The following ADGRL3 variants were observed in gnomAD, a reference collection of about 807,000 sequenced individuals.
The protein encoded by ADGRL3 is adhesion G protein-coupled receptor L3, also known as calcium-independent alpha-latrotoxin receptor 3.
A neutral mutation model predicts 153.5 loss-of-function variants in ADGRL3; 62 were observed. The observed-to-expected ratio is 0.40, with a 90% CI of 0.33 to 0.50. The LOEUF is 0.50. Among genes scored for constraint, ADGRL3 ranks in the 20% least tolerant of loss-of-function variants. The pLI, the probability that ADGRL3 is intolerant of heterozygous loss-of-function variation, is 0.47. For missense variants in ADGRL3, 1,641 were observed against 1,859.4 expected (o/e 0.88, Z 2.16); for synonymous variants, 710 against 672.5 (o/e 1.06, Z -0.86).
At chr4:61,456,616 A>G (rs2097759344) in intron 2 of ADGRL3, among the ~76,000 whole-genome samples, 1 of 151,008 alleles carries the variant, frequency 6.6e-6, no homozygotes, top group Non-Finnish European at 1.5e-5. Context: ...AGGCAGATAA[A>G]AAGTTTGGAG....
chr4:61,447,927 A>T (rs1183976818), intron 2 of ADGRL3, among the ~76,000 whole-genome samples: 1 of 152,214 alleles, frequency 6.6e-6, no homozygotes, highest in Non-Finnish European at 1.5e-5. Flanking sequence ...CCAAACAACA[A>T]CAAAAACAAC....
At chr4:61,934,777 T>G in intron 13 of ADGRL3, 63 bp from the exon 14 acceptor site, 1 of 1,342,632 alleles carries the variant, frequency 7.4e-7, no homozygotes, top group Non-Finnish European at 1.1e-6. Flanking sequence ...CATGTACACC[T>G]GGATTTCTGA....
At chr4:61,837,590 C>G (rs965864048) in intron 9 of ADGRL3, among the ~76,000 whole-genome samples, 13 of 152,202 alleles carry the variant, frequency 8.5e-5, no homozygotes, top group African/African-American at 3.1e-4. Flanking sequence ...GGTATGTTCT[C>G]TTTCTACCCA....
Position 61,765,979 on chromosome 4 carries a change from G to T in ADGRL3, c.1399+32425G>T, listed in dbSNP as rs559280436. Among the ~76,000 whole-genome samples, 7 of 152,242 alleles carry T rather than the reference G, an allele frequency of 4.6e-5. No homozygotes were observed. In the East Asian group the frequency reaches 1.4e-3, roughly 29 times the overall value. On this transcript the variant is annotated intron_variant, in intron 8 of 26. Coordinates refer to ENST00000683033, the MANE Select transcript of ADGRL3 (RefSeq NM_001387552.1). Reference sequence around the variant, plus strand: ...GAGAGGTTCTAAGAGGCGGGCTAGTGGCTTGTACTATAGCATCATCTGCCT... The same window carrying T: ...GAGAGGTTCTAAGAGGCGGGCTAGTTGCTTGTACTATAGCATCATCTGCCT...
intron 17 of ADGRL3, among the ~76,000 whole-genome samples, chr4:61,959,363 G>C (rs868652992): frequency 6.6e-6 from 1 of 152,022 alleles, no homozygotes; most frequent in Non-Finnish European, 1.5e-5. Flanking sequence ...CAAAAAGTCT[G>C]CCTACTCTCT....
At chr4:61,485,932 G>GT (rs2098187096) in intron 2 of ADGRL3, among the ~76,000 whole-genome samples, 2 of 148,918 alleles carry the variant, frequency 1.3e-5, no homozygotes, top group Non-Finnish European at 3.0e-5. Flanking sequence ...TTTTTGTTTT[G>GT]TTTGTTTGTT....
At chr4:61,938,862 C>CAAAAAAA (rs71213019) in intron 15 of ADGRL3, among the ~76,000 whole-genome samples, 1 of 71,504 alleles carries the variant, frequency 1.4e-5, no homozygotes, top group Non-Finnish European at 2.5e-5. Context: ...CCCTCCTCCT[C>CAAAAAAA]AAAAAAAAAA....
chr4:61,630,642 T>G (rs1211478513), intron 5 of ADGRL3, among the ~76,000 whole-genome samples: 1 of 152,258 alleles, frequency 6.6e-6, no homozygotes, highest in East Asian at 1.9e-4. Flanking sequence ...ATAGTCATCA[T>G]GTTTACATGT....
In ADGRL3 at chr4:62,073,327, A is replaced by T. The variant is rs1186796814; in HGVS notation, c.*2419A>T. 3.3e-5 allele frequency: 5 copies of T among 152,086 alleles called. No individual in the cohort carries two copies. Among genetic ancestry groups the T allele is most frequent in the Non-Finnish European group, 1.5e-5 (1 of 67,980 alleles). 9.4% of individuals were successfully genotyped at this position (152,086 alleles called of 1,614,324 possible). A position where few individuals can be genotyped will look rare whatever the true frequency, so the allele number is the denominator to read the frequency against. ...GCATGAATATTTTTTAAGTCTACAG[A>T]TTTTATGTTAGAGGAGAATCACAAG... On this transcript the variant is annotated 3_prime_UTR_variant, in exon 27 of 27. Transcript: ENST00000683033.
At chr4:61,768,468 A>G (rs921142122) in intron 8 of ADGRL3, among the ~76,000 whole-genome samples, 3 of 152,184 alleles carry the variant, frequency 2.0e-5, no homozygotes, top group African/African-American at 2.4e-5. Flanking sequence ...CTGGGCACAG[A>G]GGCTAGGAAG....
At chr4:61,881,693 G>A (rs1212806498) in intron 9 of ADGRL3, among the ~76,000 whole-genome samples, 1 of 152,086 alleles carries the variant, frequency 6.6e-6, no homozygotes, top group Non-Finnish European at 1.5e-5. Flanking sequence ...TATTTTTCTT[G>A]AATTTGTTTT....
At chr4:61,700,502 G>A (rs1213533696) in intron 6 of ADGRL3, among the ~76,000 whole-genome samples, 1 of 152,128 alleles carries the variant, frequency 6.6e-6, no homozygotes, top group Non-Finnish European at 1.5e-5. Flanking sequence ...AGAATAGATA[G>A]GTAACTGAAT....
rs575469135 is a variant in ADGRL3, at chr4:61,434,612, C to T, written c.-174+51423C>T. On this transcript the variant is annotated intron_variant, in intron 2 of 26. Transcript: ENST00000683033. ...ATCAATGCTTGCTTAATGATTACTCCGAATCCTGCTGACTATTTTTAAAAT... is the reference window on the plus strand; with the variant it reads ...ATCAATGCTTGCTTAATGATTACTCTGAATCCTGCTGACTATTTTTAAAAT... Among the ~76,000 whole-genome samples the T allele has an allele frequency of 1.7e-3, 203 of 116,546 alleles. 2 individuals are homozygous for T. The highest frequency in any genetic ancestry group is 8.1e-4 in the South Asian group (3 of 3,722). The allele number at this position is 116,546 out of a possible 152,430, so 76.5% of individuals were successfully genotyped here. A position where few individuals can be genotyped will look rare whatever the true frequency, so the allele number is the denominator to read the frequency against.
At chr4:61,205,922 C>T (rs1347045538) in intron 1 of ADGRL3, among the ~76,000 whole-genome samples, 1 of 152,080 alleles carries the variant, frequency 6.6e-6, no homozygotes, top group Non-Finnish European at 1.5e-5. Context: ...TCAGCATGGT[C>T]CAATAAAATT....
At chr4:61,781,145 G>A (rs573806774) in intron 8 of ADGRL3, among the ~76,000 whole-genome samples, 1 of 152,072 alleles carries the variant, frequency 6.6e-6, no homozygotes, top group African/African-American at 2.4e-5. Flanking sequence ...TGACCAACAT[G>A]GAGAAACCCC....
intron 9 of ADGRL3, among the ~76,000 whole-genome samples, chr4:61,869,772 C>G (rs537973355): frequency 6.6e-6 from 1 of 150,630 alleles, no homozygotes; most frequent in African/African-American, 2.4e-5. Context: ...AACCCCGTCT[C>G]TACTAAAAAT....
intron 21 of ADGRL3, among the ~76,000 whole-genome samples, chr4:62,002,619 T>C (rs1394649811): frequency 1.3e-5 from 2 of 151,902 alleles, no homozygotes; most frequent in African/African-American, 2.4e-5. Flanking sequence ...AAATGAGGTA[T>C]GCCAAGTCTT....
At chr4:61,333,178 A>G (rs2095608315) in intron 1 of ADGRL3, among the ~76,000 whole-genome samples, 1 of 152,168 alleles carries the variant, frequency 6.6e-6, no homozygotes, top group Admixed American at 6.5e-5. Context: ...AAATGAAAAA[A>G]ATATATTGGA....
chr4:61,292,221 T>C (rs1252036552), intron 1 of ADGRL3, among the ~76,000 whole-genome samples: 2 of 152,014 alleles, frequency 1.3e-5, no homozygotes, highest in South Asian at 4.1e-4. Flanking sequence ...CCTTAAGCTT[T>C]CCTGAAACAT....
Sources: allele counts gnomAD v4.1 joint callset (sites outside exome capture counted in the v4.1 genomes callset), GRCh38; gene constraint gnomAD v4.1.1; transcripts MANE v1.5; gene names NCBI Gene and HGNC (gene_info 2026-07-23, HGNC 2026-07-21).